MBD5: variants seen among roughly 807,000 people sequenced by gnomAD.
MBD5 encodes the protein methyl-CpG-binding domain protein 5.
A neutral mutation model predicts 117.3 loss-of-function variants in MBD5; 13 were observed. The observed-to-expected ratio is 0.11, with a 90% CI of 0.07 to 0.18. MBD5 has a LOEUF of 0.18. MBD5 is among the 10% of genes least tolerant of loss of function. The probability of loss-of-function intolerance (pLI) is 1.00; values close to 1 mark genes in which losing one functional copy is unlikely to be tolerated. For missense variants in MBD5, 1,879 were observed against 2,093.8 expected (o/e 0.90, Z 2.00); for synonymous variants, 727 against 766.4 (o/e 0.95, Z 0.85).
intron 1 of MBD5, among the ~76,000 whole-genome samples, chr2:148,140,982 G>T (rs529384656): frequency 2.0e-4 from 31 of 151,914 alleles, no homozygotes; most frequent in Middle Eastern, 6.8e-3. Flanking sequence ...ATGTTGCCCA[G>T]GCTGTTCTCG....
intron 3 of MBD5, among the ~76,000 whole-genome samples, chr2:148,321,345 A>G (rs1322830906): frequency 1.3e-5 from 2 of 152,210 alleles, no homozygotes; most frequent in Non-Finnish European, 2.9e-5. Context: ...ATAAAGTTTT[A>G]AAAGTTTACA....
At chr2:148,298,719 G>A (rs1701712906) in intron 3 of MBD5, among the ~76,000 whole-genome samples, 1 of 152,080 alleles carries the variant, frequency 6.6e-6, no homozygotes, top group Non-Finnish European at 1.5e-5. Context: ...ATTGCTTATA[G>A]CTCTAGAAAT....
chr2:148,028,078 CTT>C (rs1364440313), intron 1 of MBD5: 1 of 151,954 alleles, frequency 6.6e-6, no homozygotes. Flanking sequence ...CCAGGCTTAA[CTT>C]ATATTATGGT....
At chr2:148,162,150 T>C (rs1368822385) in intron 1 of MBD5, among the ~76,000 whole-genome samples, 1 of 152,232 alleles carries the variant, frequency 6.6e-6, no homozygotes, top group East Asian at 1.9e-4. Context: ...ATACACTAAC[T>C]TCTTTGGCCC....
At chr2:148,328,313 C>A (rs924943697) in intron 3 of MBD5, among the ~76,000 whole-genome samples, 2 of 152,086 alleles carry the variant, frequency 1.3e-5, no homozygotes, top group African/African-American at 4.8e-5. Context: ...TGCCGTGCCC[C>A]CAGAGGTGGA....
chr2:148,461,465 C>A (rs971588951), intron 5 of MBD5, among the ~76,000 whole-genome samples: 2 of 152,056 alleles, frequency 1.3e-5, no homozygotes, highest in African/African-American at 4.8e-5. Flanking sequence ...AAAGCTAGTT[C>A]ACTAATAGAT....
intron 1 of MBD5, among the ~76,000 whole-genome samples, chr2:148,120,378 T>C (rs1696740205): frequency 6.6e-6 from 1 of 152,114 alleles, no homozygotes; most frequent in Admixed American, 6.5e-5. Flanking sequence ...TAAATCAATT[T>C]TGGGATTATT....
At chr2:148,304,957 T>C (rs1218407774) in intron 3 of MBD5, among the ~76,000 whole-genome samples, 21 of 150,342 alleles carry the variant, frequency 1.4e-4, no homozygotes, top group Admixed American at 1.1e-3. Context: ...CCCAGCTACT[T>C]GGGAGGCTGA....
intron 4 of MBD5, among the ~76,000 whole-genome samples, chr2:148,343,537 A>G (rs1188256241): frequency 6.6e-6 from 1 of 152,080 alleles, no homozygotes; most frequent in Admixed American, 6.6e-5. Context: ...GATAATAAGC[A>G]CTTTTTCTTA....
chr2:148,328,776 A>G (rs1305153036), intron 3 of MBD5, among the ~76,000 whole-genome samples: 1 of 152,140 alleles, frequency 6.6e-6, no homozygotes, highest in Non-Finnish European at 1.5e-5. Context: ...AGTACCTCAG[A>G]TGGAAATGCA....
chr2:148,467,838 A>T (rs922367780), intron 7 of MBD5, among the ~76,000 whole-genome samples: 1 of 152,200 alleles, frequency 6.6e-6, no homozygotes, highest in African/African-American at 2.4e-5. Context: ...TTTTGTTATA[A>T]GGGTGAACAT....
intron 2 of MBD5, among the ~76,000 whole-genome samples, chr2:148,202,048 G>A (rs921275652): frequency 2.6e-5 from 4 of 152,122 alleles, no homozygotes; most frequent in Non-Finnish European, 5.9e-5. Flanking sequence ...TGAAGGTTGG[G>A]TTTCACTGGC....
intron 4 of MBD5, among the ~76,000 whole-genome samples, chr2:148,370,155 G>C (rs1703811262): frequency 6.6e-6 from 1 of 152,132 alleles, no homozygotes; most frequent in Admixed American, 6.5e-5. Context: ...AAATTGTCTA[G>C]TTGTTGATAC....
At chr2:148,215,044 T>C (rs1488172719) in intron 2 of MBD5, among the ~76,000 whole-genome samples, 1 of 152,210 alleles carries the variant, frequency 6.6e-6, no homozygotes, top group Non-Finnish European at 1.5e-5. Flanking sequence ...AATATATCAC[T>C]TAAAACTAGA....
At chr2:148,109,687 A>C (rs951651735) in intron 1 of MBD5, among the ~76,000 whole-genome samples, 9 of 152,216 alleles carry the variant, frequency 5.9e-5, no homozygotes, top group African/African-American at 2.2e-4. Context: ...TGTGTATATC[A>C]GTTATAACTC....
At chr2:148,322,539 A>G (rs1308249035) in intron 3 of MBD5, among the ~76,000 whole-genome samples, 1 of 152,050 alleles carries the variant, frequency 6.6e-6, no homozygotes, top group Non-Finnish European at 1.5e-5. Flanking sequence ...ATTTTTTCCT[A>G]CTTTAAAATG....
chr2:148,298,350 G>A (rs1430726021), intron 3 of MBD5, among the ~76,000 whole-genome samples: 2 of 152,136 alleles, frequency 1.3e-5, no homozygotes, highest in Non-Finnish European at 2.9e-5. Flanking sequence ...CTGTAATCTT[G>A]ACCACACCTA....
chr2:148,369,327 A>G (rs1014798441), intron 4 of MBD5, among the ~76,000 whole-genome samples: 1 of 152,130 alleles, frequency 6.6e-6, no homozygotes, highest in Non-Finnish European at 1.5e-5. Context: ...AAATCCCACA[A>G]AGGGCATTGT....
intron 4 of MBD5, among the ~76,000 whole-genome samples, chr2:148,350,559 A>T (rs1296773608): frequency 2.0e-5 from 3 of 152,158 alleles, no homozygotes; most frequent in East Asian, 3.9e-4. Flanking sequence ...TACTGGAAAA[A>T]TCAAAATAAT....
Sources: allele counts gnomAD v4.1 joint callset (sites outside exome capture counted in the v4.1 genomes callset), GRCh38; gene constraint gnomAD v4.1.1; transcripts MANE v1.5; gene names NCBI Gene and HGNC (gene_info 2026-07-23, HGNC 2026-07-21).